The following CMBL variants were observed in gnomAD, a reference collection of about 807,000 sequenced individuals.
CMBL encodes carboxymethylenebutenolidase homolog, also known as carboxymethylenebutenolidase homolog (Pseudomonas).
In CMBL, 17 loss-of-function variants were observed where a neutral mutation model predicts 28.7. The observed-to-expected ratio is 0.59, with a 90% CI of 0.41 to 0.89. The LOEUF is 0.89. Among genes scored for constraint, CMBL ranks in the 40% least tolerant of loss-of-function variants. The pLI is 0.00. For missense variants in CMBL, 310 were observed against 298.5 expected (o/e 1.04, Z -0.28); for synonymous variants, 106 against 101.6 (o/e 1.04, Z -0.26).
chr5:10,286,698 C>T (rs539773959), intron 3 of CMBL, among the ~76,000 whole-genome samples: 13 of 152,222 alleles, frequency 8.5e-5, no homozygotes, highest in Admixed American at 2.0e-4. Context: ...AGCCCTCCTC[C>T]AACTGCCTGA....
In CMBL at chr5:10,280,543, A is replaced by T. The variant is rs1313454137; in HGVS notation, c.648T>A (p.His216Gln). ...TFSGQTHGFV[H>Q]RKREDCSPAD... ...CAGGTGAGCAATCTTCTCTCTTCCGATGCACGAACCCATGAGTCTGCCCAG... is the reference window on the plus strand; with the variant it reads ...CAGGTGAGCAATCTTCTCTCTTCCGTTGCACGAACCCATGAGTCTGCCCAG... Residue 216 changes from histidine to glutamine, a missense_variant, in exon 6 of 6, where the codon CAT (histidine) becomes CAA (glutamine). Transcript: ENST00000296658. 24 of 1,613,874 alleles carry T rather than the reference A, an allele frequency of 1.5e-5. No homozygotes were observed. The highest frequency in any genetic ancestry group is 1.9e-5 in the Non-Finnish European group (23 of 1,179,914).
rs1746463488 is a variant in CMBL at position 10,279,649 on chromosome 5, T to C, written c.*804A>G. The C allele has an allele frequency of 6.6e-6, 1 of 151,936 alleles. No individual in the cohort carries two copies. The highest frequency in any genetic ancestry group is 2.4e-5 in the African/African-American group (1 of 41,336). The allele number at this position is 151,936 out of a possible 1,614,324, so 9.4% of individuals were successfully genotyped here. ...CTCTGCCTCCAGGTTCAAGTGATTC[T>C]CCTCCTCAGACTCCTGAGTAGCTGG... On this transcript the variant is annotated 3_prime_UTR_variant, in exon 6 of 6. Transcript: ENST00000296658.
chr5:10,288,316 G>C, intron 3 of CMBL, 106 bp downstream of exon 3: 1 of 812,408 alleles, frequency 1.2e-6, no homozygotes, highest in Non-Finnish European at 2.1e-6. Context: ...TGGCCATGGA[G>C]AAGTCCTACC....
chr5:10,299,172 A>G (rs1362102643), intron 1 of CMBL, among the ~76,000 whole-genome samples: 1 of 152,212 alleles, frequency 6.6e-6, no homozygotes, highest in East Asian at 1.9e-4. Flanking sequence ...GTATTATTTT[A>G]GGAACAGAGG....
chr5:10,290,020 G>T (rs962980554), intron 2 of CMBL, among the ~76,000 whole-genome samples: 2 of 152,328 alleles, frequency 1.3e-5, no homozygotes, highest in Admixed American at 6.5e-5. Context: ...GGTGGCCATG[G>T]CCACTTGGCC....
At position 10,279,279 on chromosome 5, in the gene CMBL, A is replaced by G. The variant is rs1407254236; in HGVS notation, c.*1174T>C. The G allele has an allele frequency of 6.6e-6, 1 of 152,202 alleles. No homozygotes were observed. The highest frequency in any genetic ancestry group is 1.5e-5 in the Non-Finnish European group (1 of 68,034). 9.4% of individuals were successfully genotyped at this position (152,202 alleles called of 1,614,324 possible). ...TCTTTTTAAAAAAGCTGCAAATTCA[A>G]AAATTCAAAAAATTAGTTTATTAGC... On this transcript the variant is annotated 3_prime_UTR_variant, in exon 6 of 6. Coordinates refer to ENST00000296658, the MANE Select transcript of CMBL (RefSeq NM_138809.4).
At chr5:10,291,493 T>C (rs898703399) in intron 1 of CMBL, among the ~76,000 whole-genome samples, 4 of 151,612 alleles carry the variant, frequency 2.6e-5, no homozygotes, top group African/African-American at 7.3e-5. Flanking sequence ...AAACCCCGTC[T>C]CTACTAAAAA....
chr5:10,303,267 T>C (rs1746943547), intron 1 of CMBL, among the ~76,000 whole-genome samples: 1 of 152,156 alleles, frequency 6.6e-6, no homozygotes, highest in South Asian at 2.1e-4. Flanking sequence ...AGTTCCTATG[T>C]CTCCCTAAAT....
Position 10,289,921 on chromosome 5 carries a change from C to T in CMBL, c.215+627G>A, listed in dbSNP as rs1159994409. On this transcript the variant is annotated intron_variant, in intron 2 of 5. Coordinates refer to ENST00000296658, the MANE Select transcript of CMBL (RefSeq NM_138809.4). This position sits in a 1 kb window ranked among gnomAD's most constrained non-coding sequence, Gnocchi z 4.3. ...CAGGGCTCACTGGGTTGATGCTTTC[C>T]GACGCTGGAGAGGAAGGAAGGTTCT... Among the ~76,000 whole-genome samples, 1 of 152,134 alleles carries T rather than the reference C, an allele frequency of 6.6e-6. No individual in the cohort carries two copies. Among genetic ancestry groups the T allele is most frequent in the African/African-American group, 2.4e-5 (1 of 41,418 alleles).
rs1746484379 is a variant in CMBL, at chr5:10,280,725, C to A, written c.559-93G>T. ...AGCGTTCATAACAGAAATTTAACATCAATGCTTTAAATCAGAAACAAGTTC... is the reference window on the plus strand; with the variant it reads ...AGCGTTCATAACAGAAATTTAACATAAATGCTTTAAATCAGAAACAAGTTC... On this transcript the variant is annotated intron_variant, in intron 5 of 5. Coordinates refer to ENST00000296658, the MANE Select transcript of CMBL (RefSeq NM_138809.4). 9.2e-6 allele frequency: 10 copies of A among 1,090,806 alleles called. No homozygotes were observed. The East Asian group carries it at 1.9e-4, about 21-fold the overall frequency. The allele number at this position is 1,090,806 out of a possible 1,614,324, so 67.6% of individuals were successfully genotyped here. A position where few individuals can be genotyped will look rare whatever the true frequency, so the allele number is the denominator to read the frequency against.
intron 1 of CMBL, among the ~76,000 whole-genome samples, chr5:10,294,229 T>G (rs1298739665): frequency 6.6e-6 from 1 of 152,168 alleles, no homozygotes; most frequent in South Asian, 2.1e-4. Context: ...CAGTGTGAGA[T>G]AGAAGCCACT....
intron 1 of CMBL, among the ~76,000 whole-genome samples, chr5:10,305,650 C>T (rs1746989723): frequency 6.6e-6 from 1 of 152,122 alleles, no homozygotes; most frequent in African/African-American, 2.4e-5. Context: ...CCGCTCACTG[C>T]AACCTCTGCC....
At chr5:10,291,116 T>C (rs891439816) in intron 1 of CMBL, among the ~76,000 whole-genome samples, 2 of 152,066 alleles carry the variant, frequency 1.3e-5, no homozygotes, top group Non-Finnish European at 2.9e-5. Flanking sequence ...CCAGTGATGC[T>C]GGGGGACAGG....
chr5:10,282,887 C>T (rs1296423488), intron 4 of CMBL, among the ~76,000 whole-genome samples: 3 of 151,788 alleles, frequency 2.0e-5, no homozygotes, highest in South Asian at 2.1e-4. Context: ...GTCAGGAGTC[C>T]GAGACTAGCC....
rs1746507731 is a variant in CMBL at position 10,282,246 on chromosome 5, G to A, written c.509C>T (p.Pro170Leu). Residue 170 changes from proline (P) to leucine (L), a missense_variant, in exon 5 of 6, where the codon CCC becomes CTC. By Grantham distance (98) the Pro-to-Leu change is moderately conservative. Transcript: ENST00000296658. ...DSEDIYNLKN[P>L]TLFIFAENDV... ...ATTTTCAGCAAAAATGAACAAAGTG[G>A]GGTTCTTTAAATTGTAAATGTCTTC... 3 of 1,613,156 alleles carry A rather than the reference G, an allele frequency of 1.9e-6. No homozygotes were observed. The East Asian group carries it at 6.7e-5, about 36-fold the overall frequency.
At chr5:10,302,883 C>T (rs1320656707) in intron 1 of CMBL, among the ~76,000 whole-genome samples, 1 of 152,192 alleles carries the variant, frequency 6.6e-6, no homozygotes, top group Non-Finnish European at 1.5e-5. Flanking sequence ...GGGAAACTTA[C>T]ATTCTGTAGA....
intron 1 of CMBL, among the ~76,000 whole-genome samples, chr5:10,303,195 C>G (rs943259338): frequency 1.3e-5 from 2 of 152,196 alleles, no homozygotes; most frequent in Non-Finnish European, 2.9e-5. Flanking sequence ...CTGCCATCCC[C>G]GATCTTTGAG....
At chr5:10,302,105 G>A (rs1746911518) in intron 1 of CMBL, among the ~76,000 whole-genome samples, 1 of 152,190 alleles carries the variant, frequency 6.6e-6, no homozygotes, top group South Asian at 2.1e-4. Flanking sequence ...GCCACGCCTT[G>A]TGCCAGGGGC....
intron 1 of CMBL, among the ~76,000 whole-genome samples, chr5:10,305,894 A>T (rs890893325): frequency 6.6e-6 from 1 of 152,118 alleles, no homozygotes; most frequent in Non-Finnish European, 1.5e-5. Context: ...TGATCTGCAA[A>T]TTCCAAGGGT....
Sources: allele counts gnomAD v4.1 joint callset (sites outside exome capture counted in the v4.1 genomes callset), GRCh38; gene constraint gnomAD v4.1.1; non-coding constraint Gnocchi (gnomAD v3.1); transcripts MANE v1.5; gene names NCBI Gene and HGNC (gene_info 2026-07-23, HGNC 2026-07-21).